DMD: variants seen among roughly 807,000 people sequenced by gnomAD.
The protein encoded by DMD is dystrophin, also known as mutant dystrophin.
In DMD, 63 loss-of-function variants were observed where a neutral mutation model predicts 330.1. The ratio of observed to expected loss-of-function variants is 0.19; its 90% CI spans 0.16 to 0.24. DMD has a LOEUF of 0.24. DMD is among the 10% of genes least tolerant of loss of function. DMD has a pLI of 1.00. For missense variants in DMD, 3,344 were observed against 2,684.1 expected, an observed-to-expected ratio of 1.25 and a Z score of -5.43; for synonymous variants, 1,223 against 959.8, an observed-to-expected ratio of 1.27 and a Z score of -5.07.
At chrX:31,689,813 C>T (rs2082982254) in intron 52 of DMD, among the ~76,000 whole-genome samples, 1 of 111,309 alleles carries the variant, frequency 9.0e-6, no homozygotes, top group Admixed American at 9.5e-5. Flanking sequence ...AGAAATAATA[C>T]CACACATCTA....
At chrX:31,481,460 G>T (rs976740234) in intron 57 of DMD, among the ~76,000 whole-genome samples, 7 of 111,974 alleles carry the variant, frequency 6.3e-5, no homozygotes, top group Admixed American at 5.7e-4. Flanking sequence ...ATAGGATAGG[G>T]AAATGTCTAA....
At chrX:32,644,628 C>G (rs73467358) in intron 10 of DMD, among the ~76,000 whole-genome samples, 1,645 of 109,939 alleles carry the variant, frequency 0.015, 31 homozygotes, top group African/African-American at 0.05. Flanking sequence ...GGGAAAGAAG[C>G]CAAACGAGTG....
intron 29 of DMD, among the ~76,000 whole-genome samples, chrX:32,435,449 C>T (rs1030113481): frequency 5.6e-5 from 6 of 106,560 alleles, no homozygotes; most frequent in South Asian, 8.6e-4. Flanking sequence ...CTTTAAGTGC[C>T]GTATTTTATA....
intron 27 of DMD, among the ~76,000 whole-genome samples, chrX:32,444,573 C>T (rs1299329969): frequency 9.0e-6 from 1 of 110,740 alleles, no homozygotes; most frequent in Non-Finnish European, 1.9e-5. Flanking sequence ...ATATGCCTAG[C>T]CTCATGGTGT....
At chrX:31,603,864 C>T (rs2077486591) in intron 55 of DMD, among the ~76,000 whole-genome samples, 1 of 111,455 alleles carries the variant, frequency 9.0e-6, no homozygotes, top group African/African-American at 3.3e-5. Context: ...ACAACAATGC[C>T]ACGCCAAGCA....
At chrX:32,570,669 C>G (rs1443008708) in intron 15 of DMD, among the ~76,000 whole-genome samples, 1 of 111,446 alleles carries the variant, frequency 9.0e-6, no homozygotes, top group Non-Finnish European at 1.9e-5. Flanking sequence ...AAGTCTGATA[C>G]TAATGTTGTA....
At position 32,919,625 on chromosome X, in the gene DMD, A is replaced by G. The variant is rs377113804; in HGVS notation, c.94-69805T>C. 3.3e-4 allele frequency among the ~76,000 whole-genome samples: 37 copies of G among 112,256 alleles called. No homozygotes were observed. In the South Asian group the frequency reaches 0.014, roughly 41 times the overall value. On this transcript the variant is annotated intron_variant, in intron 2 of 78. Coordinates refer to ENST00000357033, the MANE Select transcript of DMD (RefSeq NM_004006.3). ...GTTTTTCAAATGACAATTGAAATAA[A>G]AGAAGATACCATTTGTTCTGTAGAT...
intron 27 of DMD, among the ~76,000 whole-genome samples, chrX:32,442,542 G>A (rs759013004): frequency 9.1e-6 from 1 of 110,485 alleles, no homozygotes; most frequent in South Asian, 3.8e-4. Flanking sequence ...TGTATTTATT[G>A]TTGGTGGGTG....
At chrX:31,807,067 C>T (rs191320424) in intron 50 of DMD, among the ~76,000 whole-genome samples, 2 of 111,293 alleles carry the variant, frequency 1.8e-5, no homozygotes, top group East Asian at 5.7e-4. Context: ...ACCCTTTTGA[C>T]GGCCGAAGGG....
intron 7 of DMD, among the ~76,000 whole-genome samples, chrX:32,764,430 C>T (rs370806105): frequency 9.0e-6 from 1 of 111,322 alleles, no homozygotes; most frequent in South Asian, 3.7e-4. Context: ...CCCCAAAAAA[C>T]TTCATATCCA....
At chrX:32,508,874 A>C (rs771594988) in intron 18 of DMD, among the ~76,000 whole-genome samples, 34 of 109,947 alleles carry the variant, frequency 3.1e-4, no homozygotes, top group Non-Finnish European at 5.1e-4. Flanking sequence ...GCAGTGGCGC[A>C]ATCTTGGCTC....
intron 7 of DMD, among the ~76,000 whole-genome samples, chrX:32,737,910 A>C: frequency 8.9e-6 from 1 of 112,154 alleles, no homozygotes; most frequent in South Asian, 3.7e-4. Flanking sequence ...TATAACTGAC[A>C]AAAAAATAAA....
intron 64 of DMD, among the ~76,000 whole-genome samples, chrX:31,219,287 A>G (rs2045731476): frequency 9.0e-6 from 1 of 110,849 alleles, no homozygotes; most frequent in Non-Finnish European, 1.9e-5. Context: ...CTACCCCAGG[A>G]CAGAAGCATC....
intron 44 of DMD, among the ~76,000 whole-genome samples, chrX:32,044,210 A>G (rs148074545): frequency 0.014 from 1,579 of 110,903 alleles, 37 homozygotes; most frequent in African/African-American, 0.049. Flanking sequence ...TAATCAAATC[A>G]TCACTGAGGT....
chrX:33,086,421 G>A (rs2095006687), intron 1 of DMD, among the ~76,000 whole-genome samples: 1 of 111,343 alleles, frequency 9.0e-6, no homozygotes, highest in Non-Finnish European at 1.9e-5. Context: ...TTATAAGGTA[G>A]AACATTTGCT....
intron 62 of DMD, among the ~76,000 whole-genome samples, chrX:31,315,434 G>A (rs754680060): frequency 1.8e-5 from 2 of 111,982 alleles, no homozygotes; most frequent in East Asian, 5.5e-4. Context: ...GTTGGGATAT[G>A]ATACAGTTGT....
chrX:31,856,425 C>T (rs927600328), intron 48 of DMD, among the ~76,000 whole-genome samples: 2 of 111,776 alleles, frequency 1.8e-5, no homozygotes, highest in African/African-American at 6.5e-5. Flanking sequence ...GTTAATCTAA[C>T]GGGCACATTG....
intron 13 of DMD, among the ~76,000 whole-genome samples, chrX:32,592,444 G>A (rs808551): frequency 0.27 from 30,104 of 109,900 alleles, 3,222 homozygotes; most frequent in South Asian, 0.53. Context: ...CCTGCATAAA[G>A]GAGCCACCCA....
intron 38 of DMD, among the ~76,000 whole-genome samples, chrX:32,346,857 T>G (rs974234416): frequency 3.6e-5 from 4 of 111,876 alleles, no homozygotes; most frequent in Admixed American, 9.6e-5. Flanking sequence ...TATAGTCGCA[T>G]ATATGACCAT....
Sources: allele counts gnomAD v4.1 joint callset (sites outside exome capture counted in the v4.1 genomes callset), GRCh38; gene constraint gnomAD v4.1.1; transcripts MANE v1.5; gene names NCBI Gene and HGNC (gene_info 2026-07-23, HGNC 2026-07-21).